The following SLC60A2 variants were observed in gnomAD, a reference collection of about 807,000 sequenced individuals.
SLC60A2 encodes solute carrier family 60 member 2, also known as major facilitator superfamily domain containing 4B.
At chr6:111,277,334 A>G in the SLC60A2 span, among the ~76,000 whole-genome samples, 1 of 152,092 alleles carries the variant, frequency 6.6e-6, no homozygotes, top group Non-Finnish European at 1.5e-5. Flanking sequence ...AGGTTTGTGG[A>G]TTGTTTGATT....
chr6:111,273,905 T>C, the SLC60A2 span, among the ~76,000 whole-genome samples: 3 of 152,114 alleles, frequency 2.0e-5, no homozygotes, highest in East Asian at 3.8e-4. Flanking sequence ...ATTTCTTTAA[T>C]AGAGGTGGGG....
the SLC60A2 span, among the ~76,000 whole-genome samples, chr6:111,260,682 A>G: frequency 1.3e-5 from 2 of 152,114 alleles, no homozygotes; most frequent in Non-Finnish European, 2.9e-5. Context: ...ATGTGTGGTC[A>G]CTTACCATCT....
chr6:111,265,812 CTTTT>C, the SLC60A2 span: 2 of 1,257,678 alleles, frequency 1.6e-6, no homozygotes, highest in East Asian at 2.6e-5. Flanking sequence ...GATAAGTGAA[CTTTT>C]TTTTTTAATA....
the SLC60A2 span, chr6:111,259,438 G>T: frequency 2.4e-6 from 1 of 410,054 alleles, no homozygotes; most frequent in Non-Finnish European, 4.3e-6. Flanking sequence ...CGCCCGGAGG[G>T]ACACCCGTGC....
At chr6:111,259,374 C>A in the SLC60A2 span, 1 of 353,286 alleles carries the variant, frequency 2.8e-6, no homozygotes, top group Non-Finnish European at 5.1e-6. Context: ...ACACCTGCGG[C>A]GTGCCGAAGT....
chr6:111,266,696 A>G, the SLC60A2 span: 64 of 1,614,220 alleles, frequency 4.0e-5, no homozygotes, highest in African/African-American at 7.7e-4. Context: ...TTCTTCAAGG[A>G]AAATACCCTG....
At chr6:111,265,884 G>A in the SLC60A2 span, 6 of 1,606,010 alleles carry the variant, frequency 3.7e-6, no homozygotes, top group African/African-American at 2.7e-5. Flanking sequence ...AGGTGGTAAC[G>A]TCCTTATCTT....
At chr6:111,270,977 G>A in the SLC60A2 span, 1 of 152,076 alleles carries the variant, frequency 6.6e-6, no homozygotes, top group Non-Finnish European at 1.5e-5. Flanking sequence ...TCATATAGGA[G>A]AATCTGTTTT....
the SLC60A2 span, chr6:111,262,199 A>C: frequency 7.0e-7 from 1 of 1,424,600 alleles, no homozygotes; most frequent in African/African-American, 1.4e-5. Context: ...AAACTACCAC[A>C]TAGTTAGACA....
the SLC60A2 span, chr6:111,265,847 AAAT>A: frequency 2.6e-6 from 4 of 1,547,196 alleles, no homozygotes; most frequent in Non-Finnish European, 3.5e-6. Flanking sequence ...TGTTTAACTT[AAAT>A]AATTTTTCCC....
chr6:111,267,021 C>T, the SLC60A2 span: 4 of 1,613,942 alleles, frequency 2.5e-6, no homozygotes, highest in Non-Finnish European at 3.4e-6. Context: ...TAATCAATAC[C>T]CATCAAATGC....
chr6:111,268,972 A>G, the SLC60A2 span: 1 of 152,170 alleles, frequency 6.6e-6, no homozygotes, highest in South Asian at 2.1e-4. Context: ...TTTTTTGCTG[A>G]ATAACATCTC....
chr6:111,264,745 A>T, the SLC60A2 span, among the ~76,000 whole-genome samples: 1 of 148,386 alleles, frequency 6.7e-6, no homozygotes, highest in African/African-American at 2.5e-5. Context: ...CAGAGATCAC[A>T]CCACTGCACT....
the SLC60A2 span, among the ~76,000 whole-genome samples, chr6:111,274,198 G>A: frequency 6.6e-6 from 1 of 152,224 alleles, no homozygotes. Flanking sequence ...GGTGTTCGGT[G>A]CATATATATT....
chr6:111,273,760 CTG>C, the SLC60A2 span, among the ~76,000 whole-genome samples: 2 of 152,026 alleles, frequency 1.3e-5, no homozygotes, highest in African/African-American at 2.4e-5. Flanking sequence ...GAGTCTCACT[CTG>C]TTACCCAGGC....
At chr6:111,271,775 T>TACAA in the SLC60A2 span, among the ~76,000 whole-genome samples, 1 of 18,836 alleles carries the variant, frequency 5.3e-5, no homozygotes, top group African/African-American at 1.7e-4. Context: ...CCATCTCTAC[T>TACAA]AAAAAAAAAA....
the SLC60A2 span, chr6:111,266,465 C>T: frequency 1.2e-6 from 2 of 1,614,158 alleles, no homozygotes; most frequent in South Asian, 1.1e-5. Flanking sequence ...TTGTGTTGAG[C>T]AACATTGGCA....
chr6:111,270,958 C>T, the SLC60A2 span: 1 of 151,978 alleles, frequency 6.6e-6, no homozygotes, highest in Non-Finnish European at 1.5e-5. Context: ...TTAGCCAGGC[C>T]AACAGATCTC....
chr6:111,259,862 A>C, the SLC60A2 span: 138 of 626,908 alleles, frequency 2.2e-4, 2 homozygotes, highest in South Asian at 3.6e-3. Context: ...GCACAATTCT[A>C]ATCTTGGAGG....
Sources: allele counts gnomAD v4.1 joint callset (sites outside exome capture counted in the v4.1 genomes callset), GRCh38; gene constraint gnomAD v4.1.1; transcripts MANE v1.5; gene names NCBI Gene and HGNC (gene_info 2026-07-23, HGNC 2026-07-21).